The following TRIM67 variants were observed in gnomAD, a reference collection of about 807,000 sequenced individuals.
TRIM67 encodes tripartite motif containing 67.
TRIM67 carries 39 observed loss-of-function variants against 71.0 expected under a neutral mutation model. The observed-to-expected ratio is 0.55, with a 90% CI of 0.43 to 0.72. TRIM67 has a LOEUF of 0.72. Among genes scored for constraint, TRIM67 ranks in the 30% least tolerant of loss-of-function variants. The pLI, the probability that TRIM67 is intolerant of heterozygous loss-of-function variation, is 0.00. For missense variants in TRIM67, 973 were observed against 1,079.2 expected (o/e 0.90, Z 1.38); for synonymous variants, 481 against 473.9 (o/e 1.01, Z -0.19).
rs1377059783 is a variant in TRIM67 at position 231,185,070 on chromosome 1, C to T, written c.1045-12301C>T. The T allele has an allele frequency of 1.2e-5, 19 of 1,532,932 alleles. No homozygotes were observed. The Admixed American group carries it at 2.4e-4, about 19-fold the overall frequency. 95.0% of individuals were successfully genotyped at this position (1,532,932 alleles called of 1,614,324 possible). On this transcript the variant is annotated intron_variant, in intron 1 of 9. Transcript: ENST00000366653. ...GTGTGGAGCTGAGCTGGTGCCTGGACTTCCAGAGAGCAGGGCACTTCGGTC... is the reference window on the plus strand; with the variant it reads ...GTGTGGAGCTGAGCTGGTGCCTGGATTTCCAGAGAGCAGGGCACTTCGGTC...
At position 231,183,079 on chromosome 1, in the gene TRIM67, G is replaced by A. The variant is rs370353373; in HGVS notation, c.1045-14292G>A. On this transcript the variant is annotated intron_variant, in intron 1 of 9. Transcript: ENST00000366653. ...TCGTGGGGAACTCCTAAGCAGTCAG[G>A]ATTTTGGGAGTCAGAGTCTGAAGCT... Among the ~76,000 whole-genome samples, 74 of 152,316 alleles carry A rather than the reference G, an allele frequency of 4.9e-4. 1 individual carries two copies. The highest frequency in any genetic ancestry group is 1.8e-3 in the African/African-American group (73 of 41,574).
intron 7 of TRIM67, 40 bp from the exon 8 acceptor site, chr1:231,208,907 C>A: frequency 6.6e-7 from 1 of 1,516,652 alleles, no homozygotes. Context: ...TAGCAAATTC[C>A]ATCCCCTGAC....
chr1:231,167,319 CTTTTTTTT>C (rs1159766852), intron 1 of TRIM67, among the ~76,000 whole-genome samples: 1 of 51,832 alleles, frequency 1.9e-5, no homozygotes, highest in Admixed American at 1.9e-4. Context: ...ACTCTAATGT[CTTTTTTTT>C]TTTTTTTTTT....
intron 1 of TRIM67, chr1:231,186,287 G>A: frequency 1.1e-6 from 1 of 889,112 alleles, no homozygotes; most frequent in Non-Finnish European, 1.7e-6. Flanking sequence ...TCTCTAGTTG[G>A]AACAGGACAA....
intron 5 of TRIM67, 99 bp downstream of exon 5, chr1:231,201,616 G>A (rs989006108): frequency 1.4e-5 from 20 of 1,410,010 alleles, no homozygotes; most frequent in South Asian, 4.2e-5. Flanking sequence ...TGTGATGCAC[G>A]GAGTGTGGCA....
chr1:231,207,401 C>A (rs1312709356), intron 7 of TRIM67, among the ~76,000 whole-genome samples: 5 of 152,196 alleles, frequency 3.3e-5, no homozygotes, highest in African/African-American at 1.2e-4. Context: ...TCTTGGGCAA[C>A]AACAGCATGT....
chr1:231,167,415 C>T (rs1287377893), intron 1 of TRIM67, among the ~76,000 whole-genome samples: 1 of 119,366 alleles, frequency 8.4e-6, no homozygotes, highest in Non-Finnish European at 1.6e-5. Flanking sequence ...CTCCGCCTCC[C>T]GGGTTCACGC....
intron 6 of TRIM67, among the ~76,000 whole-genome samples, chr1:231,204,441 T>G (rs1683639610): frequency 6.6e-6 from 1 of 152,206 alleles, no homozygotes; most frequent in East Asian, 1.9e-4. Flanking sequence ...GCTGGGCATA[T>G]AGAGGATGCT....
rs1684103907 is a variant in TRIM67 at position 231,220,072 on chromosome 1, G to T, written c.*4632G>T. ...TAACCTACCTCCTCTGATGTATTGT[G>T]AGGATTATACAATAACATTTTTAAA... is the stretch of plus-strand genomic sequence containing the variant. On this transcript the variant is annotated 3_prime_UTR_variant, in exon 10 of 10. Transcript: ENST00000366653. 2 of 753,896 alleles carry T rather than the reference G, an allele frequency of 2.7e-6. No homozygotes were observed. Among genetic ancestry groups the T allele is most frequent in the South Asian group, 2.9e-5 (2 of 68,442 alleles). 46.7% of individuals were successfully genotyped at this position (753,896 alleles called of 1,614,324 possible). A position where few individuals can be genotyped will look rare whatever the true frequency, so the allele number is the denominator to read the frequency against.
Position 231,221,471 on chromosome 1 carries a change from T to C in TRIM67, c.*6031T>C, listed in dbSNP as rs1400361075. On this transcript the variant is annotated 3_prime_UTR_variant, in exon 10 of 10. Coordinates refer to ENST00000366653, the MANE Select transcript of TRIM67 (RefSeq NM_001004342.5). ...GTGTTTTCTGGTCTTTGGGGGTTAGTTGAACTTTCTGTATTACCTTTTGGA... is the reference window on the plus strand; with the variant it reads ...GTGTTTTCTGGTCTTTGGGGGTTAGCTGAACTTTCTGTATTACCTTTTGGA... 2.6e-5 allele frequency: 4 copies of C among 152,674 alleles called. No individual in the cohort carries two copies. Among genetic ancestry groups the C allele is most frequent in the Non-Finnish European group, 5.9e-5 (4 of 68,048 alleles). The allele number at this position is 152,674 out of a possible 1,614,324, so 9.5% of individuals were successfully genotyped here. A position where few individuals can be genotyped will look rare whatever the true frequency, so the allele number is the denominator to read the frequency against.
Position 231,163,508 on chromosome 1 carries a change from G to A in TRIM67, c.539G>A (p.Arg180Gln), listed in dbSNP as rs759104514. The A allele has an allele frequency of 1.3e-6, 2 of 1,517,024 alleles. No individual in the cohort carries two copies. The highest frequency in any genetic ancestry group is 1.4e-5 in the African/African-American group (1 of 69,920). The allele number at this position is 1,517,024 out of a possible 1,614,324, so 94.0% of individuals were successfully genotyped here. Residue 180 changes from arginine to glutamine, a missense_variant, in exon 1 of 10, where the codon CGG becomes CAG. By Grantham distance (43) the Arg-to-Gln change is conservative. Coordinates refer to ENST00000366653, the MANE Select transcript of TRIM67 (RefSeq NM_001004342.5). ...HRGLRGFQRN[R>Q]LLEAIVQRYQ... ...GGCCTGCGCGGCTTCCAGCGCAACCGGCTGCTCGAGGCCATCGTGCAGCGG... is the reference window on the plus strand; with the variant it reads ...GGCCTGCGCGGCTTCCAGCGCAACCAGCTGCTCGAGGCCATCGTGCAGCGG...
intron 1 of TRIM67, among the ~76,000 whole-genome samples, chr1:231,168,334 G>A (rs1043413697): frequency 1.3e-5 from 2 of 152,126 alleles, no homozygotes; most frequent in Non-Finnish European, 1.5e-5. Context: ...ATTTTATTTC[G>A]TTAACACCTT....
At chr1:231,193,510 C>CTCTCTT (rs1158311148) in intron 1 of TRIM67, among the ~76,000 whole-genome samples, 13 of 123,638 alleles carry the variant, frequency 1.1e-4, no homozygotes, top group African/African-American at 5.1e-4. Flanking sequence ...CAAGCTCTCT[C>CTCTCTT]TCTCTCTCTC....
rs1463121359 is a variant in TRIM67 at position 231,185,319 on chromosome 1, G to A, written c.1045-12052G>A. 8.7e-6 allele frequency: 10 copies of A among 1,149,384 alleles called. No individual in the cohort carries two copies. In the Admixed American group the frequency reaches 1.5e-4, roughly 17 times the overall value. 71.2% of individuals were successfully genotyped at this position (1,149,384 alleles called of 1,614,324 possible). On this transcript the variant is annotated intron_variant, in intron 1 of 9. Transcript: ENST00000366653. ...ACTGGAGGGATCTGAGAAAAGAAAAGGAAGGAAAGTCAGAAGGGAGAATGG... is the reference window on the plus strand; with the variant it reads ...ACTGGAGGGATCTGAGAAAAGAAAAAGAAGGAAAGTCAGAAGGGAGAATGG...
At chr1:231,199,019 T>G (rs1307771937) in intron 2 of TRIM67, 28 bp from the exon 3 acceptor site, 1 of 1,613,730 alleles carries the variant, frequency 6.2e-7, no homozygotes, top group Admixed American at 1.7e-5. Flanking sequence ...TCTTTGCTTC[T>G]TCCCAACCAA....
intron 1 of TRIM67, among the ~76,000 whole-genome samples, chr1:231,166,288 C>T (rs991555405): frequency 6.6e-6 from 1 of 152,218 alleles, no homozygotes. Context: ...TCTTCTTCAG[C>T]AGGTGCTGTT....
rs755882697 is a variant in TRIM67, at chr1:231,213,840, G to A, written c.2149G>A (p.Ala717Thr). The A allele has an allele frequency of 5.0e-6, 8 of 1,607,776 alleles. No individual in the cohort carries two copies. In the Admixed American group the frequency reaches 8.4e-5, roughly 17 times the overall value. The change falls in exon 9 of 10, where the codon GCC becomes ACC. Residue 717 changes from alanine (A) to threonine (T), a missense_variant. Around this residue, in one of 2 missense-constraint regions of TRIM67, gnomAD observed 178 missense variants for 247.9 expected, o/e 0.72. Transcript: ENST00000366653. ...GACGGAAGGTGGCGTGTGCAAGGGG[G>A]CCACCGTGGGCGTGCTGCTGGACCT... The part of the protein sequence containing the change: ...NRTEGGVCKG[A>T]TVGVLLDLNK...
In TRIM67 at chr1:231,215,910, T is replaced by C; in HGVS notation, c.*470T>C. On this transcript the variant is annotated 3_prime_UTR_variant, in exon 10 of 10. Coordinates refer to ENST00000366653, the MANE Select transcript of TRIM67 (RefSeq NM_001004342.5). Reference sequence around the variant, plus strand: ...CCTTGCCTCCTCAGAGTCCCGAGATTGCAGATTCTCATCATGCTGAGAAAG... The same window carrying C: ...CCTTGCCTCCTCAGAGTCCCGAGATCGCAGATTCTCATCATGCTGAGAAAG... 1 of 991,040 alleles carries C rather than the reference T, an allele frequency of 1.0e-6. No homozygotes were observed. The highest frequency in any genetic ancestry group is 4.7e-5 in the South Asian group (1 of 21,340). The allele number at this position is 991,040 out of a possible 1,614,324, so 61.4% of individuals were successfully genotyped here. A position where few individuals can be genotyped will look rare whatever the true frequency, so the allele number is the denominator to read the frequency against.
intron 1 of TRIM67, among the ~76,000 whole-genome samples, chr1:231,174,333 AT>A (rs111838016): frequency 0.027 from 3,750 of 138,654 alleles, 59 homozygotes; most frequent in African/African-American, 0.049. Context: ...AAATTTGCTA[AT>A]TTTTTTTTTT....
Sources: allele counts gnomAD v4.1 joint callset (sites outside exome capture counted in the v4.1 genomes callset), GRCh38; gene constraint gnomAD v4.1.1; regional missense constraint gnomAD v4.1.1; transcripts MANE v1.5; gene names NCBI Gene and HGNC (gene_info 2026-07-23, HGNC 2026-07-21).